EDAR: variants seen among roughly 807,000 people sequenced by gnomAD.
The protein encoded by EDAR is ectodysplasin A receptor.
A neutral mutation model predicts 51.3 loss-of-function variants in EDAR; 38 were observed. That is an observed-to-expected ratio of 0.74 (90% CI 0.57 to 0.97). EDAR has a LOEUF of 0.97. Among genes scored for constraint, EDAR ranks in the 50% least tolerant of loss-of-function variants. The probability of loss-of-function intolerance (pLI) is 0.00; values close to 1 mark genes in which losing one functional copy is unlikely to be tolerated. For synonymous variants in EDAR, 227 were observed against 242.1 expected (o/e 0.94, Z 0.58); for missense variants, 528 against 595.0 (o/e 0.89, Z 1.17).
rs1031334583 is a variant in EDAR at position 108,912,879 on chromosome 2, G to A, written c.443-115C>T. 8.0e-5 allele frequency: 63 copies of A among 787,420 alleles called. 1 individual carries two copies. The highest frequency in any genetic ancestry group is 7.6e-4 in the Admixed American group (38 of 49,874). 48.8% of individuals were successfully genotyped at this position (787,420 alleles called of 1,614,324 possible). On this transcript the variant is annotated intron_variant, in intron 5 of 11. Coordinates refer to ENST00000258443, the MANE Select transcript of EDAR (RefSeq NM_022336.4). ...CATGAATGGGCCTGAGGCAGTGATG[G>A]CTGAGGGGAGCTAAATATTTGTATT...
chr2:108,923,847 C>T (rs540933262), intron 4 of EDAR, among the ~76,000 whole-genome samples: 14 of 152,378 alleles, frequency 9.2e-5, no homozygotes, highest in African/African-American at 2.9e-4. Flanking sequence ...GGAACATGCC[C>T]TCTGTGAGCA....
chr2:108,945,209 C>A (rs1204232696), intron 1 of EDAR, among the ~76,000 whole-genome samples: 1 of 152,134 alleles, frequency 6.6e-6, no homozygotes, highest in African/African-American at 2.4e-5. Flanking sequence ...GGCGAGCTCC[C>A]CGTCCTGGGG....
chr2:108,935,290 A>G (rs1697445368), intron 1 of EDAR, among the ~76,000 whole-genome samples: 1 of 152,042 alleles, frequency 6.6e-6, no homozygotes, highest in Non-Finnish European at 1.5e-5. Flanking sequence ...AGGCACTACC[A>G]TGGCTTAATC....
intron 4 of EDAR, among the ~76,000 whole-genome samples, chr2:108,925,789 T>C (rs35139932): frequency 0.5 from 75,965 of 151,940 alleles, 24,081 homozygotes; most frequent in Middle Eastern, 0.74. Context: ...GGCTAATTTT[T>C]ATATTTTAAT....
intron 1 of EDAR, among the ~76,000 whole-genome samples, chr2:108,975,441 G>A (rs556729577): frequency 1.3e-5 from 2 of 152,314 alleles, no homozygotes; most frequent in East Asian, 3.9e-4. Context: ...GATAGCGCCA[G>A]CACATGAGAG....
intron 1 of EDAR, among the ~76,000 whole-genome samples, chr2:108,975,164 G>A (rs928197000): frequency 6.6e-6 from 1 of 152,232 alleles, no homozygotes; most frequent in Non-Finnish European, 1.5e-5. Flanking sequence ...GCAAATGATG[G>A]TGCAGCACTC....
At chr2:108,903,699 C>CA (rs138390994) in intron 11 of EDAR, among the ~76,000 whole-genome samples, 3,035 of 152,094 alleles carry the variant, frequency 0.02, 97 homozygotes, top group African/African-American at 0.07. Flanking sequence ...CATCCATAGA[C>CA]AAAAAAATGA....
intron 1 of EDAR, among the ~76,000 whole-genome samples, chr2:108,941,756 G>A (rs943861567): frequency 1.5e-4 from 23 of 152,318 alleles, no homozygotes; most frequent in Non-Finnish European, 2.2e-4. Context: ...TATTATGCTC[G>A]CACACAGAAT....
intron 1 of EDAR, among the ~76,000 whole-genome samples, chr2:108,980,927 C>T (rs898869596): frequency 6.6e-6 from 1 of 151,982 alleles, no homozygotes; most frequent in Non-Finnish European, 1.5e-5. Flanking sequence ...TGAAACCTGG[C>T]CAAATTGATA....
intron 1 of EDAR, among the ~76,000 whole-genome samples, chr2:108,935,077 C>T (rs1697440937): frequency 6.6e-6 from 1 of 152,210 alleles, no homozygotes; most frequent in Admixed American, 6.5e-5. Context: ...ATATAAGAGA[C>T]CGCATGACCA....
chr2:108,976,201 A>G (rs1438523130), intron 1 of EDAR, among the ~76,000 whole-genome samples: 2 of 152,174 alleles, frequency 1.3e-5, no homozygotes, highest in Admixed American at 6.5e-5. Context: ...CTTCTTGGCT[A>G]ACAAGACAAT....
At chr2:108,978,292 C>G (rs536323903) in intron 1 of EDAR, among the ~76,000 whole-genome samples, 1 of 152,308 alleles carries the variant, frequency 6.6e-6, no homozygotes, top group African/African-American at 2.4e-5. Context: ...AATACACCAT[C>G]CATGTCTAGA....
chr2:108,966,083 T>C (rs1698146657), intron 1 of EDAR, among the ~76,000 whole-genome samples: 1 of 152,170 alleles, frequency 6.6e-6, no homozygotes, highest in African/African-American at 2.4e-5. Flanking sequence ...TAAAGCAGTT[T>C]ATAGCCTTGG....
Position 108,912,622 on chromosome 2 carries a change from C to A in EDAR, c.529+56G>T. 5 of 1,485,130 alleles carry A rather than the reference C, an allele frequency of 3.4e-6. No homozygotes were observed. The South Asian group carries it at 6.0e-5, about 18-fold the overall frequency. 92.0% of individuals were successfully genotyped at this position (1,485,130 alleles called of 1,614,324 possible). The stretch of plus-strand genomic sequence containing the variant: ...TGATCATTTCCTCTCCTCTTCTGAG[C>A]TTTCATCCGAGTACCACCTAACTCC... On this transcript the variant is annotated intron_variant, in intron 6 of 11. Coordinates refer to ENST00000258443, the MANE Select transcript of EDAR (RefSeq NM_022336.4).
chr2:108,948,665 C>T (rs1000570208), intron 1 of EDAR, among the ~76,000 whole-genome samples: 15 of 152,062 alleles, frequency 9.9e-5, no homozygotes, highest in African/African-American at 3.6e-4. Flanking sequence ...TATCAAACAA[C>T]CAAATATCCT....
intron 1 of EDAR, among the ~76,000 whole-genome samples, chr2:108,959,659 C>T (rs1057422603): frequency 6.6e-5 from 10 of 152,170 alleles, no homozygotes; most frequent in African/African-American, 2.4e-4. Context: ...CCCTGGGACT[C>T]AGCTCTGGAT....
At chr2:108,958,848 TCCAGG>T (rs1292272290) in intron 1 of EDAR, among the ~76,000 whole-genome samples, 1 of 112,022 alleles carries the variant, frequency 8.9e-6, no homozygotes, top group East Asian at 1.6e-3. Context: ...TAGTGGGCTC[TCCAGG>T]CTCATGGCTG....
intron 1 of EDAR, among the ~76,000 whole-genome samples, chr2:108,962,674 C>CAA (rs66741499): frequency 2.2e-4 from 15 of 66,866 alleles, no homozygotes; most frequent in East Asian, 1.3e-3. Flanking sequence ...GACTCTGTCT[C>CAA]AAAAAAAAAA....
chr2:108,934,518 T>G (rs1445126743), intron 1 of EDAR, among the ~76,000 whole-genome samples: 2 of 152,196 alleles, frequency 1.3e-5, no homozygotes, highest in Admixed American at 6.5e-5. Context: ...TGTCTTAGTC[T>G]GCTTTGTGCT....
Sources: gnomAD v4.1 joint callset for allele counts (sites outside exome capture counted in the v4.1 genomes callset) on GRCh38, gnomAD v4.1.1 for gene constraint, MANE v1.5 for transcripts, NCBI Gene and HGNC (gene_info 2026-07-23, HGNC 2026-07-21) for gene names.